The following SCARB2 variants were observed in gnomAD, a reference collection of about 807,000 sequenced individuals.
SCARB2 encodes lysosome membrane protein 2.
A neutral mutation model predicts 58.6 loss-of-function variants in SCARB2; 29 were observed. The ratio of observed to expected loss-of-function variants is 0.49; its 90% CI spans 0.37 to 0.67. SCARB2 has a LOEUF of 0.67. Ranked by LOEUF, SCARB2 falls within the 30% of genes least tolerant of loss-of-function variation. The probability of loss-of-function intolerance (pLI) is 0.00; values close to 1 mark genes in which losing one functional copy is unlikely to be tolerated. For missense variants in SCARB2, 488 were observed against 578.5 expected (o/e 0.84, Z 1.60); for synonymous variants, 195 against 210.1 (o/e 0.93, Z 0.62).
Position 76,161,705 on chromosome 4 carries a change from G to A in SCARB2, c.*8C>T. The A allele has an allele frequency of 6.2e-7, 1 of 1,614,088 alleles. No individual in the cohort carries two copies. The highest frequency in any genetic ancestry group is 8.5e-7 in the Non-Finnish European group (1 of 1,179,974). On this transcript the variant is annotated 3_prime_UTR_variant, in exon 12 of 12. Transcript: ENST00000264896. ...TCACACAGTTTCTTCACCAAGCAAA[G>A]GCAATGTTTAGGTTCGAATGAGGGG...
At chr4:76,171,755 TG>T (rs57102498) in intron 7 of SCARB2, among the ~76,000 whole-genome samples, 30,936 of 151,906 alleles carry the variant, frequency 0.2, 3,638 homozygotes, top group East Asian at 0.35. Flanking sequence ...AGTAAGGCAA[TG>T]GGGGAGATCA....
intron 1 of SCARB2, among the ~76,000 whole-genome samples, chr4:76,223,530 C>G (rs1023486601): frequency 6.6e-6 from 1 of 152,198 alleles, no homozygotes; most frequent in East Asian, 1.9e-4. Context: ...TATCACCGCC[C>G]TCTTCCTCTA....
chr4:76,213,364 C>T, intron 1 of SCARB2, 63 bp downstream of exon 1: 8 of 1,101,710 alleles, frequency 7.3e-6, no homozygotes, highest in Non-Finnish European at 9.7e-6. Context: ...CAAGATGTAG[C>T]AGCAGGGATG....
chr4:76,218,502 C>T (rs1476753937), upstream of SCARB2, among the ~76,000 whole-genome samples: 1 of 152,214 alleles, frequency 6.6e-6, no homozygotes, highest in East Asian at 1.9e-4. Flanking sequence ...TGTCTACCGC[C>T]TCCTCCGATC....
intron 10 of SCARB2, chr4:76,163,900 A>C: frequency 5.8e-6 from 1 of 172,718 alleles, no homozygotes; most frequent in Non-Finnish European, 1.2e-5. Flanking sequence ...CACCCAGCAC[A>C]CAGTAGGTGC....
At chr4:76,189,158 C>G (rs6824953) in intron 2 of SCARB2, among the ~76,000 whole-genome samples, 74,329 of 152,036 alleles carry the variant, frequency 0.49, 19,916 homozygotes, top group African/African-American at 0.71. Flanking sequence ...AGTCAGAGAC[C>G]AAAGGACTTG....
chr4:76,191,696 TCC>T (rs1732608632), intron 2 of SCARB2, among the ~76,000 whole-genome samples: 1 of 151,728 alleles, frequency 6.6e-6, no homozygotes, highest in Non-Finnish European at 1.5e-5. Flanking sequence ...CTCAGGTCTC[TCC>T]CTCTTTCTTT....
At chr4:76,182,157 G>A (rs1732399669) in intron 2 of SCARB2, among the ~76,000 whole-genome samples, 1 of 152,148 alleles carries the variant, frequency 6.6e-6, no homozygotes, top group Non-Finnish European at 1.5e-5. Flanking sequence ...CTGGTACATA[G>A]TAGGTGTTCA....
Position 76,174,063 on chromosome 4 carries a change from G to A in SCARB2, c.994+81C>T, listed in dbSNP as rs1560707717. 25 of 1,549,218 alleles carry A rather than the reference G, an allele frequency of 1.6e-5. 1 individual carries two copies. Among genetic ancestry groups the A allele is most frequent in the South Asian group, 3.4e-5 (3 of 89,110 alleles). On this transcript the variant is annotated intron_variant, in intron 7 of 11. Transcript: ENST00000264896. ...TGGGACTGTAGGTGTGCGCCACTAC[G>A]CCCAGCTACATATTCTTTGTTGAAC...
At position 76,161,756 on chromosome 4, in the gene SCARB2, AAC is replaced by A; in HGVS notation, c.1399-7_1399-6del. 6.2e-7 allele frequency: 1 copy of A among 1,614,150 alleles called. No homozygotes were observed. The highest frequency in any genetic ancestry group is 2.2e-5 in the East Asian group (1 of 44,862). On this transcript the variant is annotated splice_polypyrimidine_tract_variant and splice_region_variant and intron_variant, in intron 11 of 11. Coordinates refer to ENST00000264896, the MANE Select transcript of SCARB2 (RefSeq NM_005506.4). ...TGCTCTTTCATCCGCTGTTCCCTGA[AAC>A]ACAGAAGAGAGAAAACAAGTTAGAT...
intron 1 of SCARB2, among the ~76,000 whole-genome samples, chr4:76,229,995 C>A (rs1186165063): frequency 6.6e-6 from 1 of 152,198 alleles, no homozygotes; most frequent in African/African-American, 2.4e-5. Flanking sequence ...TTCAAGAGAG[C>A]ACCAGCTACG....
chr4:76,211,572 C>T (rs913686215), intron 1 of SCARB2, among the ~76,000 whole-genome samples: 1 of 152,182 alleles, frequency 6.6e-6, no homozygotes, highest in African/African-American at 2.4e-5. Flanking sequence ...TCCTTATTAT[C>T]CCTATTTACA....
Position 76,181,035 on chromosome 4 carries a change from G to C in SCARB2, c.342C>G (p.Asn114Lys), listed in dbSNP as rs202050323. Residue 114 changes from asparagine (N) to lysine (K), a missense_variant, in exon 3 of 12, where the codon AAC becomes AAG. Transcript: ENST00000264896. ...GGTCTCGTTCAAAAACATAGGCCTT[G>C]TTGCTAACAGCAGATATTGTTGTTC... ...DNGTTISAVS[N>K]KAYVFERDQS... 1.9e-6 allele frequency: 3 copies of C among 1,613,690 alleles called. No homozygotes were observed. The highest frequency in any genetic ancestry group is 2.5e-6 in the Non-Finnish European group (3 of 1,179,792).
intron 7 of SCARB2, among the ~76,000 whole-genome samples, chr4:76,172,221 C>T (rs1732147591): frequency 6.7e-6 from 1 of 148,344 alleles, no homozygotes; most frequent in African/African-American, 2.5e-5. Flanking sequence ...TGTATATATA[C>T]ACATATATAT....
chr4:76,218,755 A>G (rs1335672033), upstream of SCARB2, among the ~76,000 whole-genome samples: 1 of 152,188 alleles, frequency 6.6e-6, no homozygotes, highest in Non-Finnish European at 1.5e-5. Flanking sequence ...ACACAAGCGT[A>G]GTGTTGTCTA....
intron 1 of SCARB2, among the ~76,000 whole-genome samples, chr4:76,220,887 G>C (rs1413515140): frequency 6.6e-6 from 1 of 152,158 alleles, no homozygotes; most frequent in Non-Finnish European, 1.5e-5. Context: ...CCTGGGATCA[G>C]CTGGGACCAC....
chr4:76,213,140 A>G, intron 1 of SCARB2: 1 of 424,834 alleles, frequency 2.4e-6, no homozygotes, highest in Non-Finnish European at 4.4e-6. Context: ...TGGGGTGTAG[A>G]CGGAAGGAGT....
chr4:76,210,469 C>G (rs1182464208), intron 1 of SCARB2, among the ~76,000 whole-genome samples: 1 of 152,162 alleles, frequency 6.6e-6, no homozygotes, highest in Non-Finnish European at 1.5e-5. Context: ...TGAAATGTAA[C>G]GTAAACTCCT....
In SCARB2 at chr4:76,161,490, T is replaced by C. The variant is rs1350708505; in HGVS notation, c.*223A>G. 5 of 595,262 alleles carry C rather than the reference T, an allele frequency of 8.4e-6. No individual in the cohort carries two copies. Among genetic ancestry groups the C allele is most frequent in the African/African-American group, 7.5e-5 (4 of 53,638 alleles). 36.9% of individuals were successfully genotyped at this position (595,262 alleles called of 1,614,324 possible). A position where few individuals can be genotyped will look rare whatever the true frequency, so the allele number is the denominator to read the frequency against. On this transcript the variant is annotated 3_prime_UTR_variant, in exon 12 of 12. Coordinates refer to ENST00000264896, the MANE Select transcript of SCARB2 (RefSeq NM_005506.4). The stretch of plus-strand genomic sequence containing the variant: ...GTTTATTAAATACTTGCTAGACACA[T>C]AAAAGAACAATTTCAGAGCCCACAT...
Sources: allele counts gnomAD v4.1 joint callset (sites outside exome capture counted in the v4.1 genomes callset), GRCh38; gene constraint gnomAD v4.1.1; transcripts MANE v1.5; gene names NCBI Gene and HGNC (gene_info 2026-07-23, HGNC 2026-07-21).